The following SLC2A14 variants were observed in gnomAD, a reference collection of about 807,000 sequenced individuals.
SLC2A14 encodes the protein solute carrier family 2 member 14, also known as solute carrier family 2, facilitated glucose transporter member 14.
SLC2A14 carries 13 observed loss-of-function variants against 43.0 expected under a neutral mutation model. That is an observed-to-expected ratio of 0.30 (90% CI 0.20 to 0.48). The LOEUF (loss-of-function observed/expected upper bound fraction) is 0.48, where lower values mean the gene tolerates loss of function less well. Among genes scored for constraint, SLC2A14 ranks in the 20% least tolerant of loss-of-function variants. The pLI is 0.99. For synonymous variants in SLC2A14, 190 were observed against 233.8 expected, an observed-to-expected ratio of 0.81 and a Z score of 1.71; for missense variants, 428 against 620.4, an observed-to-expected ratio of 0.69 and a Z score of 3.29.
intron 2 of SLC2A14, among the ~76,000 whole-genome samples, chr12:7,842,481 T>A (rs895405853): frequency 2.0e-5 from 3 of 152,254 alleles, no homozygotes; most frequent in Non-Finnish European, 4.4e-5. Flanking sequence ...AAAAGACTTC[T>A]TCTATACAAG....
intron 2 of SLC2A14, among the ~76,000 whole-genome samples, chr12:7,848,573 A>G (rs1866657561): frequency 8.2e-6 from 1 of 122,564 alleles, no homozygotes; most frequent in African/African-American, 3.1e-5. Flanking sequence ...TTTTTTTTTG[A>G]GACAGAGTTT....
intron 2 of SLC2A14, among the ~76,000 whole-genome samples, chr12:7,837,579 A>G (rs11056043): frequency 0.97 from 144,346 of 148,924 alleles, 70,062 homozygotes; most frequent in East Asian, 1. Flanking sequence ...CGGAGGTTGC[A>G]GTCAGCCGAG....
intron 2 of SLC2A14, among the ~76,000 whole-genome samples, chr12:7,854,471 CTT>C (rs1468218521): frequency 6.6e-6 from 1 of 152,078 alleles, no homozygotes; most frequent in African/African-American, 2.4e-5. Flanking sequence ...TGATTCCTCT[CTT>C]TTCTTTTGTT....
intron 1 of SLC2A14, among the ~76,000 whole-genome samples, chr12:7,884,002 C>A (rs1945643732): frequency 6.6e-6 from 1 of 151,736 alleles, no homozygotes; most frequent in African/African-American, 2.4e-5. Context: ...CGGCTCACTG[C>A]AAGCTCTGCT....
At chr12:7,868,727 G>C (rs1309333591) in intron 2 of SLC2A14, among the ~76,000 whole-genome samples, 1 of 152,150 alleles carries the variant, frequency 6.6e-6, no homozygotes, top group Non-Finnish European at 1.5e-5. Flanking sequence ...TGTCTGGTCA[G>C]GCACAGTGGC....
At chr12:7,875,785 C>G (rs1592326290), upstream of SLC2A14, among the ~76,000 whole-genome samples, 1 of 152,042 alleles carries the variant, frequency 6.6e-6, no homozygotes, top group South Asian at 2.1e-4. Flanking sequence ...CCAGCCTGGC[C>G]AACATGGTGA....
At chr12:7,890,979 T>C (rs1000238931) in intron 1 of SLC2A14, 27 of 1,528,920 alleles carry the variant, frequency 1.8e-5, no homozygotes, top group Non-Finnish European at 2.3e-5. Context: ...AAGCATGATC[T>C]ATCTAGTTCC....
chr12:7,833,795 A>AG (rs774543564), intron 2 of SLC2A14, among the ~76,000 whole-genome samples: 34,095 of 144,978 alleles, frequency 0.24, 4,350 homozygotes, highest in East Asian at 0.4. Context: ...AAAAAAAAAA[A>AG]AGAGAGAGAG....
intron 2 of SLC2A14, among the ~76,000 whole-genome samples, chr12:7,866,764 G>T (rs1312572211): frequency 6.6e-6 from 1 of 152,162 alleles, no homozygotes; most frequent in Admixed American, 6.5e-5. Flanking sequence ...AAGGAAAGAA[G>T]CTGTCCCTAT....
At chr12:7,841,720 G>C (rs970965725) in intron 2 of SLC2A14, among the ~76,000 whole-genome samples, 4 of 151,984 alleles carry the variant, frequency 2.6e-5, no homozygotes, top group South Asian at 2.1e-4. Flanking sequence ...AAAATCCCAT[G>C]TTCCAGGCTG....
chr12:7,816,469 C>G (rs1863468183), intron 10 of SLC2A14, among the ~76,000 whole-genome samples: 1 of 149,800 alleles, frequency 6.7e-6, no homozygotes. Context: ...GAACTCCTGA[C>G]CTCATGATCC....
intron 2 of SLC2A14, among the ~76,000 whole-genome samples, chr12:7,848,617 G>A (rs1386559431): frequency 3.3e-5 from 5 of 150,544 alleles, no homozygotes; most frequent in African/African-American, 1.2e-4. Flanking sequence ...GTGCAATGGC[G>A]CAGTCTCAGC....
chr12:7,863,353 G>A (rs963705987), intron 2 of SLC2A14: 4 of 452,906 alleles, frequency 8.8e-6, no homozygotes, highest in Non-Finnish European at 1.8e-5. Flanking sequence ...ACCACTTTAA[G>A]GGCTGTAACA....
chr12:7,838,302 G>C (rs1430919753), intron 2 of SLC2A14, among the ~76,000 whole-genome samples: 1 of 149,470 alleles, frequency 6.7e-6, no homozygotes, highest in Admixed American at 6.7e-5. Flanking sequence ...TGGCCAGGCT[G>C]GTCTTGAACT....
At chr12:7,841,803 C>T (rs768740681) in intron 2 of SLC2A14, among the ~76,000 whole-genome samples, 4 of 151,970 alleles carry the variant, frequency 2.6e-5, no homozygotes, top group Non-Finnish European at 5.9e-5. Context: ...GTCAGGAGTT[C>T]GACACCAGCC....
intron 2 of SLC2A14, among the ~76,000 whole-genome samples, chr12:7,867,295 A>AC (rs1565573758): frequency 5.5e-5 from 8 of 146,096 alleles, no homozygotes; most frequent in African/African-American, 1.8e-4. Flanking sequence ...AAAAAAAAAA[A>AC]AAAAACAAAA....
At chr12:7,860,664 A>G (rs1211243577) in intron 2 of SLC2A14, 2 of 152,356 alleles carry the variant, frequency 1.3e-5, no homozygotes, top group East Asian at 1.9e-4. Flanking sequence ...GGGATTTGGG[A>G]TCATTTCCAG....
intron 2 of SLC2A14, among the ~76,000 whole-genome samples, chr12:7,850,057 C>T (rs1250704306): frequency 6.8e-6 from 1 of 146,698 alleles, no homozygotes; most frequent in Non-Finnish European, 1.5e-5. Context: ...AGCCAAGAAT[C>T]ACGAGATTTT....
intron 2 of SLC2A14, among the ~76,000 whole-genome samples, chr12:7,866,405 G>A (rs888908796): frequency 3.3e-5 from 5 of 151,810 alleles, no homozygotes; most frequent in African/African-American, 1.2e-4. Flanking sequence ...CTGTCGCCTA[G>A]GCTGGAGTGA....
Sources: gnomAD v4.1 joint callset for allele counts (sites outside exome capture counted in the v4.1 genomes callset) on GRCh38, gnomAD v4.1.1 for gene constraint, MANE v1.5 for transcripts, NCBI Gene and HGNC (gene_info 2026-07-23, HGNC 2026-07-21) for gene names.